Variants in LCP1 observed in about 807,000 individuals in gnomAD.
LCP1 encodes the protein lymphocyte cytosolic protein 1, also known as plastin-2.
LCP1 carries 23 observed loss-of-function variants against 72.0 expected under a neutral mutation model. The observed-to-expected ratio is 0.32, with a 90% CI of 0.23 to 0.45. The LOEUF (loss-of-function observed/expected upper bound fraction) is 0.45, where lower values mean the gene tolerates loss of function less well. Ranked by LOEUF, LCP1 falls within the 20% of genes least tolerant of loss-of-function variation. LCP1 has a pLI of 1.00. For synonymous variants in LCP1, 245 were observed against 275.4 expected (o/e 0.89, Z 1.09); for missense variants, 571 against 748.3 (o/e 0.76, Z 2.76).
chr13:46,169,261 G>A lies in LCP1; in HGVS notation c.-24-9575C>T, dbSNP rs74074026. On this transcript the variant is annotated intron_variant, in intron 1 of 15. Transcript: ENST00000323076. ...TCCCCCAAGATTTCAAATGTCTTAC[G>A]AATATAATTTCATGTATGTTTCTTG... Among the ~76,000 whole-genome samples, 1,462 of 152,254 alleles carry A rather than the reference G, an allele frequency of 9.6e-3. 23 individuals are homozygous for A. The highest frequency in any genetic ancestry group is 0.032 in the African/African-American group (1,349 of 41,528).
chr13:46,128,459 G>A (rs577037894), intron 15 of LCP1, among the ~76,000 whole-genome samples: 10 of 152,052 alleles, frequency 6.6e-5, no homozygotes, highest in South Asian at 4.1e-4. Flanking sequence ...TTAGCCAGGC[G>A]TGGTGGCGTG....
intron 8 of LCP1, 27 bp downstream of exon 8, chr13:46,150,909 G>C (rs369114215): frequency 6.2e-7 from 1 of 1,607,438 alleles, no homozygotes; most frequent in Non-Finnish European, 8.5e-7. Context: ...CCTGCAGAGA[G>C]TCATGTTCAA....
intron 1 of LCP1, among the ~76,000 whole-genome samples, chr13:46,163,476 G>C (rs562078976): frequency 6.6e-6 from 1 of 152,066 alleles, no homozygotes; most frequent in African/African-American, 2.4e-5. Flanking sequence ...CTAATCTCAA[G>C]TACCCAGGGA....
At chr13:46,137,224 A>AAC (rs59614425) in intron 13 of LCP1, among the ~76,000 whole-genome samples, 10,805 of 148,424 alleles carry the variant, frequency 0.073, 721 homozygotes, top group African/African-American at 0.18. Flanking sequence ...AAAAAAAAAA[A>AAC]CACAAAGAGA....
At chr13:46,129,313 C>T (rs1451956736) in intron 15 of LCP1, among the ~76,000 whole-genome samples, 1 of 152,162 alleles carries the variant, frequency 6.6e-6, no homozygotes, top group Non-Finnish European at 1.5e-5. Context: ...ACTGTATGGC[C>T]TTGGCAAGTT....
At chr13:46,134,778 G>A (rs946794785) in intron 13 of LCP1, among the ~76,000 whole-genome samples, 2 of 152,076 alleles carry the variant, frequency 1.3e-5, no homozygotes, top group African/African-American at 2.4e-5. Flanking sequence ...TGTTTTGGAG[G>A]GGTTGGGGGA....
intron 1 of LCP1, among the ~76,000 whole-genome samples, chr13:46,163,601 C>T (rs1455036828): frequency 1.2e-4 from 18 of 151,292 alleles, no homozygotes; most frequent in Admixed American, 1.2e-3. Context: ...TGCCAAATCC[C>T]CCTCTGCGAG....
intron 1 of LCP1, among the ~76,000 whole-genome samples, chr13:46,175,392 C>T (rs577556986): frequency 6.6e-6 from 1 of 152,340 alleles, no homozygotes; most frequent in South Asian, 2.1e-4. Flanking sequence ...GAGACTTGCT[C>T]AGCCTCCACA....
chr13:46,154,923 T>TGGCCGGGCGCGGTGGCTCACGC, intron 5 of LCP1, 37 bp from the exon 6 acceptor site: 2 of 1,515,150 alleles, frequency 1.3e-6, no homozygotes, highest in Non-Finnish European at 1.8e-6. Context: ...AAAGCAGTCT[T>TGGCCGGGCGCGGTGGCTCACGC]CTGAATAACA....
chr13:46,159,565 G>A, intron 2 of LCP1, 34 bp downstream of exon 2: 1 of 1,566,348 alleles, frequency 6.4e-7, no homozygotes, highest in African/African-American at 1.3e-5. Flanking sequence ...GTGAAGAAGA[G>A]AATGATGCAA....
At chr13:46,152,744 G>T in intron 7 of LCP1, 36 bp downstream of exon 7, 1 of 1,596,040 alleles carries the variant, frequency 6.3e-7, no homozygotes, top group Non-Finnish European at 8.5e-7. Context: ...TTATTAGAAA[G>T]CTGTGTCATA....
intron 1 of LCP1, among the ~76,000 whole-genome samples, chr13:46,163,564 C>T (rs1450287693): frequency 6.6e-6 from 1 of 151,460 alleles, no homozygotes; most frequent in South Asian, 2.1e-4. Flanking sequence ...ATCTGCTGAC[C>T]TTCCCTCCAC....
Position 46,127,682 on chromosome 13 carries a change from T to C in LCP1, c.1793A>G (p.Tyr598Cys). ...SMARKIGARV[Y>C]ALPEDLVEVN... ...TTCAACCAGGTCTTCTGGCAGGGCA[T>C]ACACTCTTGCTCCAATTTTTCGGGC... The change falls in exon 16 of 16, where the codon TAT becomes TGT. Residue 598 changes from tyrosine to cysteine, a missense_variant. Coordinates refer to ENST00000323076, the MANE Select transcript of LCP1 (RefSeq NM_002298.5). 6.2e-7 allele frequency: 1 copy of C among 1,614,184 alleles called. No individual in the cohort carries two copies. Among genetic ancestry groups the C allele is most frequent in the Non-Finnish European group, 8.5e-7 (1 of 1,180,032 alleles).
chr13:46,129,181 G>C (rs114506350), intron 15 of LCP1, among the ~76,000 whole-genome samples: 1 of 152,040 alleles, frequency 6.6e-6, no homozygotes, highest in Non-Finnish European at 1.5e-5. Flanking sequence ...ACCATTCTTC[G>C]CATTTTGTGT....
intron 1 of LCP1, among the ~76,000 whole-genome samples, chr13:46,162,646 G>A (rs1030168959): frequency 3.3e-5 from 5 of 152,088 alleles, no homozygotes; most frequent in African/African-American, 9.7e-5. Context: ...ATCTCGGCTA[G>A]CTACAACCTC....
At chr13:46,174,064 A>T (rs1040281927) in intron 1 of LCP1, among the ~76,000 whole-genome samples, 1 of 152,158 alleles carries the variant, frequency 6.6e-6, no homozygotes, top group Non-Finnish European at 1.5e-5. Context: ...TTCTCCAGGC[A>T]TTTTTACCAT....
chr13:46,128,884 T>TATGGTTACACCAGAC (rs1555313765), intron 15 of LCP1, among the ~76,000 whole-genome samples: 4 of 150,986 alleles, frequency 2.6e-5, no homozygotes, highest in Non-Finnish European at 5.9e-5. Flanking sequence ...AGTGACCTCT[T>TATGGTTACACCAGAC]ACTATGGTTA....
At chr13:46,134,377 T>A in intron 13 of LCP1, 127 bp from the exon 14 acceptor site, 1 of 748,696 alleles carries the variant, frequency 1.3e-6, no homozygotes, top group Non-Finnish European at 2.1e-6. Context: ...CCATTACATT[T>A]GAGAGAAAAA....
intron 10 of LCP1, among the ~76,000 whole-genome samples, 195 bp from the exon 11 acceptor site, chr13:46,144,715 T>A (rs762362677): frequency 4.6e-5 from 7 of 152,254 alleles, no homozygotes; most frequent in Non-Finnish European, 1.0e-4. Context: ...CCGCATGTAT[T>A]TCTATAGTAT....
Sources: allele counts gnomAD v4.1 joint callset (sites outside exome capture counted in the v4.1 genomes callset), GRCh38; gene constraint gnomAD v4.1.1; transcripts MANE v1.5; gene names NCBI Gene and HGNC (gene_info 2026-07-23, HGNC 2026-07-21).